Variants in CFH observed in about 807,000 individuals in gnomAD.
CFH encodes H factor 1 (complement).
Under a neutral mutation model 147.3 loss-of-function variants are expected in CFH, and 53 were observed. The ratio of observed to expected loss-of-function variants is 0.36; its 90% CI spans 0.29 to 0.45. CFH has a LOEUF of 0.45. CFH is among the 20% of genes least tolerant of loss of function. CFH has a pLI of 1.00. For missense variants in CFH, 1,380 were observed against 1,498.0 expected (o/e 0.92, Z 1.30); for synonymous variants, 536 against 489.4 (o/e 1.10, Z -1.26).
chr1:196,675,432 A>T (rs1471303909), intron 3 of CFH, among the ~76,000 whole-genome samples: 1 of 152,146 alleles, frequency 6.6e-6, no homozygotes, highest in Non-Finnish European at 1.5e-5. Flanking sequence ...TTTGGCTGGC[A>T]CTATCTTTAT....
At chr1:196,687,025 T>A (rs1399112259) in intron 7 of CFH, among the ~76,000 whole-genome samples, 1 of 152,112 alleles carries the variant, frequency 6.6e-6, no homozygotes, top group Non-Finnish European at 1.5e-5. Flanking sequence ...TAATAAGGAA[T>A]CTGCATTAGG....
chr1:196,740,972 A>G, intron 18 of CFH, 180 bp downstream of exon 18: 1 of 643,798 alleles, frequency 1.6e-6, no homozygotes, highest in Non-Finnish European at 2.7e-6. Flanking sequence ...AAGCCAAATT[A>G]GTTCATTTTC....
intron 9 of CFH, among the ~76,000 whole-genome samples, chr1:196,706,961 A>G (rs1273844375): frequency 1.3e-5 from 2 of 152,124 alleles, no homozygotes; most frequent in Non-Finnish European, 2.9e-5. Flanking sequence ...CAAGACCAAG[A>G]GAATGTCTGA....
intron 7 of CFH, 47 bp downstream of exon 7, chr1:196,685,284 T>C: frequency 6.3e-7 from 1 of 1,584,654 alleles, no homozygotes; most frequent in Non-Finnish European, 8.7e-7. Flanking sequence ...CTGAAATTTC[T>C]TTTAAACACA....
chr1:196,655,883 A>T (rs1365022350), intron 1 of CFH, among the ~76,000 whole-genome samples: 2 of 152,246 alleles, frequency 1.3e-5, no homozygotes, highest in Non-Finnish European at 2.9e-5. Flanking sequence ...GTAACTGAAC[A>T]TCAAAAAATG....
chr1:196,657,313 C>G (rs1666736237), intron 1 of CFH, among the ~76,000 whole-genome samples: 1 of 151,996 alleles, frequency 6.6e-6, no homozygotes, highest in African/African-American at 2.4e-5. Flanking sequence ...TTGAATATTT[C>G]TTATTTTGAA....
chr1:196,747,095 T>G lies in CFH; in HGVS notation c.3494-16T>G. The G allele has an allele frequency of 6.2e-7, 1 of 1,613,712 alleles. No homozygotes were observed. ...ATACTACTTAATGTTTTATGTTTAC[T>G]GTTTTTTATTTTCAGATCCGTGTGT... is the stretch of plus-strand genomic sequence containing the variant. On this transcript the variant is annotated splice_polypyrimidine_tract_variant and intron_variant, in intron 21 of 21. Coordinates refer to ENST00000367429, the MANE Select transcript of CFH (RefSeq NM_000186.4).
intron 10 of CFH, among the ~76,000 whole-genome samples, chr1:196,714,635 GTATATATATATATATATA>G (rs1176351357): frequency 8.0e-5 from 2 of 24,926 alleles, no homozygotes; most frequent in African/African-American, 1.7e-4. Context: ...ACGTATATAT[GTATATATATATATATATA>G]TATATATATA....
In CFH at chr1:196,726,883, G is replaced by A. The variant is rs767545792; in HGVS notation, c.2179G>A (p.Gly727Arg). Reference sequence around the variant, plus strand: ...TTGCTCAGAATCATTTACAATGATTGGACACAGATCAATTACGTGTATTCA... The same window carrying A: ...TTGCTCAGAATCATTTACAATGATTAGACACAGATCAATTACGTGTATTCA... ...FNCSESFTMI[G>R]HRSITCIHGV... Residue 727 changes from glycine (G) to arginine (R), a missense_variant, in exon 14 of 22, where the codon GGA (glycine) becomes AGA (arginine). Physicochemically the swap from Gly to Arg is moderately radical, Grantham distance 125. Around this residue, in one of 4 missense-constraint regions of CFH, gnomAD observed 830 missense variants for 821.4 expected, o/e 1.01. Coordinates refer to ENST00000367429, the MANE Select transcript of CFH (RefSeq NM_000186.4). The A allele has an allele frequency of 6.2e-7, 1 of 1,613,560 alleles. No individual in the cohort carries two copies. The highest frequency in any genetic ancestry group is 8.5e-7 in the Non-Finnish European group (1 of 1,179,660).
At chr1:196,671,668 T>C (rs1011823071) in intron 1 of CFH, among the ~76,000 whole-genome samples, 6 of 148,968 alleles carry the variant, frequency 4.0e-5, no homozygotes, top group Non-Finnish European at 8.9e-5. Context: ...AATATAAATA[T>C]GTGTATATAT....
intron 9 of CFH, among the ~76,000 whole-genome samples, chr1:196,690,820 C>A (rs1434628082): frequency 6.6e-6 from 1 of 152,148 alleles, no homozygotes; most frequent in Non-Finnish European, 1.5e-5. Flanking sequence ...GCTGGCCGCC[C>A]CACCCTAATC....
rs1668823777 is a variant in CFH, at chr1:196,714,701, A to AGAGAGAGAGAGAGAGAGG, written c.1519+801_1519+802insGGAGAGAGAGAGAGAGAG. Among the ~76,000 whole-genome samples, 168 of 69,236 alleles carry AGAGAGAGAGAGAGAGAGG rather than the reference A, an allele frequency of 2.4e-3. 19 individuals are homozygous for AGAGAGAGAGAGAGAGAGG. Among genetic ancestry groups the AGAGAGAGAGAGAGAGAGG allele is most frequent in the African/African-American group, 4.8e-3 (75 of 15,540 alleles). 45.4% of individuals were successfully genotyped at this position (69,236 alleles called of 152,430 possible). On this transcript the variant is annotated intron_variant, in intron 10 of 21. Transcript: ENST00000367429. ...GAGAGAGAGAGAGAGAGAGAGAGAG[A>AGAGAGAGAGAGAGAGAGG]GAGAGAGAGAGAGAGAGATGGAGTC...
intron 3 of CFH, 40 bp from the exon 4 acceptor site, chr1:196,675,947 AAC>A (rs1667438127): frequency 7.5e-7 from 1 of 1,335,814 alleles, no homozygotes; most frequent in Admixed American, 1.7e-5. Context: ...ACTGCATGTA[AAC>A]ACACATTATG....
intron 2 of CFH, 40 bp downstream of exon 2, chr1:196,673,203 G>A (rs372383350): frequency 1.1e-5 from 17 of 1,526,022 alleles, no homozygotes; most frequent in African/African-American, 4.1e-5. Context: ...TGAAAACTAG[G>A]TGTAAAAATA....
At chr1:196,689,915 G>T in intron 8 of CFH, 148 bp from the exon 9 acceptor site, 7 of 953,548 alleles carry the variant, frequency 7.3e-6, no homozygotes, top group Non-Finnish European at 1.1e-5. Context: ...ACCTTTGTTA[G>T]TAACTTTAGT....
At chr1:196,695,332 T>C (rs1042497965) in intron 9 of CFH, among the ~76,000 whole-genome samples, 3 of 152,194 alleles carry the variant, frequency 2.0e-5, no homozygotes, top group African/African-American at 7.2e-5. Context: ...TGTGGTGTTA[T>C]TTCTGAGGCC....
At position 196,720,182 on chromosome 1, in the gene CFH, C is replaced by T. The variant is rs203671; in HGVS notation, c.1696+4413C>T. On this transcript the variant is annotated intron_variant, in intron 11 of 21. Transcript: ENST00000367429. ...TGACTCTGCAATGACAGATATTATA[C>T]CATCATTATTCTCGGGATCCTCCCC... Among the ~76,000 whole-genome samples, 1,392 of 151,774 alleles carry T rather than the reference C, an allele frequency of 9.2e-3. 13 individuals are homozygous for T. The highest frequency in any genetic ancestry group is 0.022 in the African/African-American group (928 of 41,482).
At chr1:196,721,470 C>T (rs1380867818) in intron 11 of CFH, among the ~76,000 whole-genome samples, 1 of 151,916 alleles carries the variant, frequency 6.6e-6, no homozygotes, top group Non-Finnish European at 1.5e-5. Context: ...TAGCTGTAGC[C>T]TAGCATATGG....
intron 1 of CFH, among the ~76,000 whole-genome samples, chr1:196,666,224 T>C (rs1667080375): frequency 1.3e-5 from 2 of 152,212 alleles, no homozygotes; most frequent in Non-Finnish European, 2.9e-5. Flanking sequence ...CACCTTGAAC[T>C]TGGAGGGTGA....
Sources: allele counts gnomAD v4.1 joint callset (sites outside exome capture counted in the v4.1 genomes callset), GRCh38; gene constraint gnomAD v4.1.1; regional missense constraint gnomAD v4.1.1; transcripts MANE v1.5; gene names NCBI Gene and HGNC (gene_info 2026-07-23, HGNC 2026-07-21).